ALDOB: variants seen among roughly 807,000 people sequenced by gnomAD.
ALDOB encodes the protein aldolase, fructose-bisphosphate B.
ALDOB carries 39 observed loss-of-function variants against 41.0 expected under a neutral mutation model. The ratio of observed to expected loss-of-function variants is 0.95; its 90% CI spans 0.74 to 1.24. ALDOB has a LOEUF of 1.24. ALDOB is among the 50% of genes most tolerant of loss of function. The pLI, the probability that ALDOB is intolerant of heterozygous loss-of-function variation, is 0.00. For synonymous variants in ALDOB, 175 were observed against 168.8 expected (o/e 1.04, Z -0.28); for missense variants, 530 against 457.3 (o/e 1.16, Z -1.45).
Position 101,425,609 on chromosome 9 carries a change from T to C in ALDOB, c.643A>G (p.Lys215Glu), listed in dbSNP as rs1214345734. 1 of 1,614,012 alleles carries C rather than the reference T, an allele frequency of 6.2e-7. No individual in the cohort carries two copies. The highest frequency in any genetic ancestry group is 1.3e-5 in the African/African-American group (1 of 74,906). The change falls in exon 7 of 9, where the codon AAG (lysine) becomes GAG (glutamate). Residue 215 changes from lysine (K) to glutamate (E), a missense_variant. Coordinates refer to ENST00000647789, the MANE Select transcript of ALDOB (RefSeq NM_000035.4). ...TAAACATGATGGTCATTCAGGGCCT[T>C]GTAGACAGCAGCCAGGACCTGAAGG... ...VTEKVLAAVYKALNDHHVYLE... is the reference protein window; with the variant it reads ...VTEKVLAAVYEALNDHHVYLE...
At chr9:101,424,775 C>A in intron 8 of ALDOB, 68 bp downstream of exon 8, 1 of 1,578,896 alleles carries the variant, frequency 6.3e-7, no homozygotes, top group Non-Finnish European at 8.7e-7. Flanking sequence ...AACAATGCTT[C>A]TCCGTGTTGG....
Position 101,424,825 on chromosome 9 carries a change from G to T in ALDOB, c.999+18C>A, listed in dbSNP as rs774203882. On this transcript the variant is annotated intron_variant, in intron 8 of 8. Coordinates refer to ENST00000647789, the MANE Select transcript of ALDOB (RefSeq NM_000035.4). ...AATGTGAACATCATCAAGTAGATAA[G>T]AGGTGGCAGCATCTTACCATGGCCC... 6.2e-7 allele frequency: 1 copy of T among 1,612,018 alleles called. No homozygotes were observed. Among genetic ancestry groups the T allele is most frequent in the African/African-American group, 1.3e-5 (1 of 74,858 alleles).
chr9:101,424,485 T>C (rs968770548), intron 8 of ALDOB, among the ~76,000 whole-genome samples: 11 of 152,192 alleles, frequency 7.2e-5, no homozygotes, highest in African/African-American at 2.7e-4. Flanking sequence ...ATTCCCAGAA[T>C]GCTTGGTTCA....
At chr9:101,425,993 C>T (rs552401784) in intron 6 of ALDOB, among the ~76,000 whole-genome samples, 1 of 152,300 alleles carries the variant, frequency 6.6e-6, no homozygotes, top group African/African-American at 2.4e-5. Flanking sequence ...CGGGCCTCCA[C>T]TGTCCATGTT....
chr9:101,426,758 A>C, intron 5 of ALDOB, 120 bp from the exon 6 acceptor site: 1 of 721,428 alleles, frequency 1.4e-6, no homozygotes, highest in South Asian at 1.5e-5. Flanking sequence ...AATACTACAT[A>C]GATGACTTAA....
intron 1 of ALDOB, among the ~76,000 whole-genome samples, chr9:101,434,337 T>C (rs1270631538): frequency 6.6e-6 from 1 of 152,208 alleles, no homozygotes; most frequent in East Asian, 1.9e-4. Context: ...GACTTAGAAT[T>C]CTATTTCTAA....
intron 1 of ALDOB, among the ~76,000 whole-genome samples, chr9:101,433,905 A>C (rs1274611862): frequency 2.6e-5 from 4 of 151,172 alleles, no homozygotes; most frequent in Non-Finnish European, 5.9e-5. Context: ...AGCAGCTGAA[A>C]CTACAGGCGC....
intron 3 of ALDOB, 126 bp downstream of exon 3, chr9:101,429,629 C>G (rs565610677): frequency 1.1e-6 from 1 of 935,058 alleles, no homozygotes; most frequent in East Asian, 2.4e-5. Flanking sequence ...GGGAAGATGA[C>G]GATGGAAAAG....
In ALDOB at chr9:101,421,257, A is replaced by T. The variant is rs41308902; in HGVS notation, c.*552T>A. ...AAAATTTTGCGGCTTGATTCCAATG[A>T]CTAGCAAGAGTTGAAGACCTTTACT... On this transcript the variant is annotated 3_prime_UTR_variant, in exon 9 of 9. Coordinates refer to ENST00000647789, the MANE Select transcript of ALDOB (RefSeq NM_000035.4). 13,220 of 164,460 alleles carry T rather than the reference A, an allele frequency of 0.08. 621 individuals are homozygous for T. The highest frequency in any genetic ancestry group is 0.16 in the Middle Eastern group (52 of 326). The allele number at this position is 164,460 out of a possible 1,614,324, so 10.2% of individuals were successfully genotyped here. A position where few individuals can be genotyped will look rare whatever the true frequency, so the allele number is the denominator to read the frequency against.
Position 101,426,594 on chromosome 9 carries a change from T to G in ALDOB, c.585A>C (p.Gly195=). ...ACTGGCAGTGTTCCAGGTCATGGTCTCCATCAGGAATTACCTCTGGTTCAA... is the reference window on the plus strand; with the variant it reads ...ACTGGCAGTGTTCCAGGTCATGGTCGCCATCAGGAATTACCTCTGGTTCAA... ...PIVEPEVIPD[G]DHDLEHCQYV... is the part of the protein sequence containing the mutation. The change falls in exon 6 of 9, where the codon GGA becomes GGC. Residue 195 remains glycine, a synonymous_variant. Coordinates refer to ENST00000647789, the MANE Select transcript of ALDOB (RefSeq NM_000035.4). 2 of 1,613,378 alleles carry G rather than the reference T, an allele frequency of 1.2e-6. No homozygotes were observed. The highest frequency in any genetic ancestry group is 1.7e-6 in the Non-Finnish European group (2 of 1,179,316).
At chr9:101,422,396 G>T (rs568465564) in intron 8 of ALDOB, among the ~76,000 whole-genome samples, 26 of 152,176 alleles carry the variant, frequency 1.7e-4, no homozygotes, top group Non-Finnish European at 3.5e-4. Context: ...ATGTCACTCA[G>T]TGGTACCACT....
At position 101,425,441 on chromosome 9, in the gene ALDOB, A is replaced by T; in HGVS notation, c.799+12T>A. 6.2e-7 allele frequency: 1 copy of T among 1,614,046 alleles called. No homozygotes were observed. Among genetic ancestry groups the T allele is most frequent in the Non-Finnish European group, 8.5e-7 (1 of 1,179,910 alleles). Reference sequence around the variant, plus strand: ...GCTAAGACCTTGAGTTAGAGAAGAAAGAAGGCCTTACCAGGAACAGCTGCA... The same window carrying T: ...GCTAAGACCTTGAGTTAGAGAAGAATGAAGGCCTTACCAGGAACAGCTGCA... On this transcript the variant is annotated intron_variant, in intron 7 of 8. Coordinates refer to ENST00000647789, the MANE Select transcript of ALDOB (RefSeq NM_000035.4).
At chr9:101,431,382 G>A (rs1831216958) in intron 1 of ALDOB, among the ~76,000 whole-genome samples, 1 of 152,206 alleles carries the variant, frequency 6.6e-6, no homozygotes, top group Non-Finnish European at 1.5e-5. Context: ...AAACTTGAAA[G>A]GAGAAATCTA....
chr9:101,435,403 G>A lies in ALDOB; in HGVS notation c.-11+306C>T, dbSNP rs188509236. 6.6e-4 allele frequency among the ~76,000 whole-genome samples: 100 copies of A among 152,280 alleles called. 2 individuals are homozygous for A. In the East Asian group the frequency reaches 0.011, roughly 16 times the overall value. On this transcript the variant is annotated intron_variant, in intron 1 of 8. Transcript: ENST00000647789. The stretch of plus-strand genomic sequence containing the variant: ...CTGATTAGAACCTAACGATAGGAGT[G>A]TTCAAGTTGTTTTTCCTAGATCAGA...
At chr9:101,424,310 T>C (rs746642662) in intron 8 of ALDOB, among the ~76,000 whole-genome samples, 2 of 152,112 alleles carry the variant, frequency 1.3e-5, no homozygotes, top group African/African-American at 2.4e-5. Context: ...TCCCAGCTAC[T>C]TGGGAGGCTG....
intron 2 of ALDOB, 22 bp from the exon 3 acceptor site, chr9:101,429,988 C>T: frequency 6.2e-7 from 1 of 1,608,600 alleles, no homozygotes; most frequent in Non-Finnish European, 8.5e-7. Context: ...GGGCCAAGGG[C>T]AGCATAAGGA....
intron 1 of ALDOB, among the ~76,000 whole-genome samples, chr9:101,435,130 A>G (rs1173847260): frequency 1.3e-5 from 2 of 152,166 alleles, no homozygotes; most frequent in Non-Finnish European, 2.9e-5. Context: ...TCATAATCAA[A>G]TGATGACTAT....
Position 101,421,768 on chromosome 9 carries a change from C to A in ALDOB, c.*41G>T. 6.4e-7 allele frequency: 1 copy of A among 1,563,338 alleles called. No homozygotes were observed. Among genetic ancestry groups the A allele is most frequent in the Non-Finnish European group, 8.8e-7 (1 of 1,134,604 alleles). On this transcript the variant is annotated 3_prime_UTR_variant, in exon 9 of 9. Coordinates refer to ENST00000647789, the MANE Select transcript of ALDOB (RefSeq NM_000035.4). Reference sequence around the variant, plus strand: ...GGAAAAGTTGCTCCCTTTCAGCCCTCCTACTAGAAGCACTGGAGCTAGGCT... The same window carrying A: ...GGAAAAGTTGCTCCCTTTCAGCCCTACTACTAGAAGCACTGGAGCTAGGCT...
At chr9:101,434,730 A>G (rs508191) in intron 1 of ALDOB, among the ~76,000 whole-genome samples, 55,772 of 151,676 alleles carry the variant, frequency 0.37, 10,660 homozygotes, top group South Asian at 0.52. Flanking sequence ...CGAGTCCTGA[A>G]TGGTGCTCTT....
Sources: gnomAD v4.1 joint callset for allele counts (sites outside exome capture counted in the v4.1 genomes callset) on GRCh38, gnomAD v4.1.1 for gene constraint, MANE v1.5 for transcripts, NCBI Gene and HGNC (gene_info 2026-07-23, HGNC 2026-07-21) for gene names.